Variants in WDR70 observed in about 807,000 individuals in gnomAD.
WDR70 encodes WD repeat-containing protein 70.
A neutral mutation model predicts 88.6 loss-of-function variants in WDR70; 53 were observed. The observed-to-expected ratio is 0.60, with a 90% CI of 0.48 to 0.75. WDR70 has a LOEUF of 0.75. Among genes scored for constraint, WDR70 ranks in the 30% least tolerant of loss-of-function variants. The pLI is 0.00. For synonymous variants in WDR70, 280 were observed against 270.0 expected, an observed-to-expected ratio of 1.04 and a Z score of -0.36; for missense variants, 610 against 823.2, an observed-to-expected ratio of 0.74 and a Z score of 3.17.
chr5:37,481,112 G>A (rs1482223843), intron 8 of WDR70, among the ~76,000 whole-genome samples: 3 of 152,218 alleles, frequency 2.0e-5, no homozygotes, highest in South Asian at 2.1e-4. Context: ...CGCCCCTGTG[G>A]CTTTGCAGGG....
At position 37,479,984 on chromosome 5, in the gene WDR70, C is replaced by T; in HGVS notation, c.837C>T (p.Thr279=). Residue 279 remains threonine (T), a synonymous_variant, in exon 8 of 18, where the codon ACC becomes ACT. Transcript: ENST00000265107. The part of the protein sequence containing the change: ...GDQYIVDMAN[T]KGHTAMLHTG... ...AGTATATTGTGGACATGGCCAACAC[C>T]AAGGTAAGCATTAAACAGAATATTT... 1 of 1,611,298 alleles carries T rather than the reference C, an allele frequency of 6.2e-7. No homozygotes were observed. The highest frequency in any genetic ancestry group is 8.5e-7 in the Non-Finnish European group (1 of 1,178,986).
rs1477888196 is a variant in WDR70, at chr5:37,396,537, A to G, written c.459A>G (p.Ala153=). ...CTCTTAATGAAGAAGAAGAAGAAGC[A>G]GAGGAAGAAGAAGAGGAAGAGGAGG... ...PPPLNEEEEE[A]EEEEEEEEEE... is the part of the protein sequence containing the mutation. The change falls in exon 5 of 18, where the codon GCA becomes GCG. Residue 153 remains alanine, a synonymous_variant. Coordinates refer to ENST00000265107, the MANE Select transcript of WDR70 (RefSeq NM_018034.4). 5 of 1,612,508 alleles carry G rather than the reference A, an allele frequency of 3.1e-6. No homozygotes were observed. In the South Asian group the frequency reaches 5.5e-5, roughly 18 times the overall value.
intron 10 of WDR70, among the ~76,000 whole-genome samples, chr5:37,671,540 T>C (rs923376785): frequency 2.8e-4 from 43 of 152,188 alleles, no homozygotes; most frequent in African/African-American, 1.0e-3. Flanking sequence ...GGTCAAGTAG[T>C]CCTAGCCCTA....
intron 4 of WDR70, among the ~76,000 whole-genome samples, chr5:37,394,885 C>T (rs1450739570): frequency 1.3e-5 from 2 of 152,134 alleles, no homozygotes; most frequent in African/African-American, 4.8e-5. Context: ...AGTTCATATA[C>T]CTCTGTTTAA....
At chr5:37,563,608 G>A (rs1742619062) in intron 9 of WDR70, among the ~76,000 whole-genome samples, 1 of 51,738 alleles carries the variant, frequency 1.9e-5, no homozygotes, top group African/African-American at 4.8e-5. Flanking sequence ...GCGGGGGGAT[G>A]ACCCCCCCCA....
intron 9 of WDR70, among the ~76,000 whole-genome samples, chr5:37,560,148 A>G (rs1484283997): frequency 6.6e-6 from 1 of 152,186 alleles, no homozygotes; most frequent in Non-Finnish European, 1.5e-5. Context: ...AATTGTTTCC[A>G]TTTAGCCTGA....
intron 17 of WDR70, among the ~76,000 whole-genome samples, chr5:37,732,761 A>G (rs991600562): frequency 1.3e-5 from 2 of 152,082 alleles, no homozygotes; most frequent in African/African-American, 4.8e-5. Flanking sequence ...TATATCATGT[A>G]TGGCAAATAT....
rs560777274 is a variant in WDR70 at position 37,642,399 on chromosome 5, A to G, written c.1092+37161A>G. ...TATATTTGACATTACATATTTTTAA[A>G]ATGTTTTTAATTTTCATGGGTACAT... On this transcript the variant is annotated intron_variant, in intron 10 of 17. Transcript: ENST00000265107. 2.4e-4 allele frequency among the ~76,000 whole-genome samples: 36 copies of G among 152,266 alleles called. 1 individual carries two copies. Among genetic ancestry groups the G allele is most frequent in the African/African-American group, 7.9e-4 (33 of 41,564 alleles).
At position 37,427,865 on chromosome 5, in the gene WDR70, G is replaced by A. The variant is rs186093230; in HGVS notation, c.493-10057G>A. Among the ~76,000 whole-genome samples, 264 of 152,288 alleles carry A rather than the reference G, an allele frequency of 1.7e-3. 1 individual carries two copies. The highest frequency in any genetic ancestry group is 0.014 in the Middle Eastern group (4 of 294). ...GTCTGGGCAACAAGAGTGAAACTCC[G>A]TCTCATAAAAGAAAAAGATACATTT... On this transcript the variant is annotated intron_variant, in intron 5 of 17. Transcript: ENST00000265107.
At chr5:37,562,845 C>T (rs892555770) in intron 9 of WDR70, among the ~76,000 whole-genome samples, 2 of 151,932 alleles carry the variant, frequency 1.3e-5, no homozygotes, top group African/African-American at 2.4e-5. Context: ...CCATGTCTAC[C>T]TCTTTCTACA....
chr5:37,677,213 G>GT (rs983183890), intron 10 of WDR70, among the ~76,000 whole-genome samples: 8 of 151,964 alleles, frequency 5.3e-5, no homozygotes, highest in African/African-American at 1.9e-4. Flanking sequence ...TTTTTGAAGG[G>GT]TTTTTTGTGT....
At chr5:37,427,011 A>C (rs969051734) in intron 5 of WDR70, among the ~76,000 whole-genome samples, 1 of 152,144 alleles carries the variant, frequency 6.6e-6, no homozygotes, top group Non-Finnish European at 1.5e-5. Flanking sequence ...CATGGGCTCA[A>C]GTGATATTCC....
intron 9 of WDR70, among the ~76,000 whole-genome samples, chr5:37,543,953 A>G (rs974016752): frequency 3.9e-5 from 6 of 151,966 alleles, no homozygotes; most frequent in Non-Finnish European, 8.8e-5. Flanking sequence ...TGTATTTTTA[A>G]TGGAGACGGG....
intron 4 of WDR70, among the ~76,000 whole-genome samples, chr5:37,392,707 T>A (rs1237403674): frequency 1.3e-5 from 2 of 151,932 alleles, no homozygotes; most frequent in Non-Finnish European, 2.9e-5. Context: ...TGCAGTGGCT[T>A]GATCTGGGCT....
At chr5:37,499,586 A>ATT (rs35275488) in intron 8 of WDR70, among the ~76,000 whole-genome samples, 30,992 of 57,978 alleles carry the variant, frequency 0.53, 5,039 homozygotes, top group South Asian at 0.67. Context: ...ATTTGGAAAT[A>ATT]TTCTCTCTCT....
intron 9 of WDR70, among the ~76,000 whole-genome samples, chr5:37,528,312 A>C (rs906155074): frequency 4.6e-5 from 7 of 152,210 alleles, no homozygotes; most frequent in Non-Finnish European, 8.8e-5. Flanking sequence ...AAAAATGATG[A>C]GTTCATGTCC....
intron 10 of WDR70, among the ~76,000 whole-genome samples, chr5:37,618,523 C>A (rs1744410506): frequency 6.6e-6 from 1 of 152,126 alleles, no homozygotes; most frequent in Non-Finnish European, 1.5e-5. Context: ...GTGCCCATCA[C>A]CACGCCTGGC....
rs1748840708 is a variant in WDR70, at chr5:37,392,042, TAAG to T, written c.223_225del (p.Arg75del). The T allele has an allele frequency of 4.3e-6, 7 of 1,612,386 alleles. No homozygotes were observed. The highest frequency in any genetic ancestry group is 5.9e-6 in the Non-Finnish European group (7 of 1,179,456). The stretch of plus-strand genomic sequence containing the variant: ...GAAGAAATGAACAGAGAGAAAGAAT[TAAG>T]AAGACAAAATGAAGATATTGAGCCA... On this transcript the variant is annotated inframe_deletion, in exon 4 of 18. Transcript: ENST00000265107.
At chr5:37,658,009 C>T (rs1745604568) in intron 10 of WDR70, among the ~76,000 whole-genome samples, 1 of 152,120 alleles carries the variant, frequency 6.6e-6, no homozygotes, top group Non-Finnish European at 1.5e-5. Context: ...TATGTACTGT[C>T]TTCTTACAGT....
Sources: allele counts gnomAD v4.1 joint callset (sites outside exome capture counted in the v4.1 genomes callset), GRCh38; gene constraint gnomAD v4.1.1; transcripts MANE v1.5; gene names NCBI Gene and HGNC (gene_info 2026-07-23, HGNC 2026-07-21).